KCNQ1: variants seen among roughly 807,000 people sequenced by gnomAD.
KCNQ1 encodes potassium voltage-gated channel subfamily KQT member 1.
In KCNQ1, 49 loss-of-function variants were observed where a neutral mutation model predicts 72.4. The ratio of observed to expected loss-of-function variants is 0.68; its 90% CI spans 0.54 to 0.86. The LOEUF is 0.86. KCNQ1 is among the 40% of genes least tolerant of loss of function. KCNQ1 has a pLI of 0.00. For missense variants in KCNQ1, 790 were observed against 945.1 expected (o/e 0.84, Z 2.15); for synonymous variants, 450 against 412.6 (o/e 1.09, Z -1.10).
At position 2,848,859 on chromosome 11, in the gene KCNQ1, G is replaced by A; in HGVS notation, c.*856G>A. 1 of 454,166 alleles carries A rather than the reference G, an allele frequency of 2.2e-6. No homozygotes were observed. Among genetic ancestry groups the A allele is most frequent in the Non-Finnish European group, 4.4e-6 (1 of 226,804 alleles). The allele number at this position is 454,166 out of a possible 1,614,324, so 28.1% of individuals were successfully genotyped here. A position where few individuals can be genotyped will look rare whatever the true frequency, so the allele number is the denominator to read the frequency against. The stretch of plus-strand genomic sequence containing the variant: ...AGTGACGGTTCCTACACAGGACAGG[G>A]GTTCCTTCTGGGCATTACATCGCAT... On this transcript the variant is annotated 3_prime_UTR_variant, in exon 16 of 16. Transcript: ENST00000155840.
At chr11:2,741,448 C>T (rs920572109) in intron 11 of KCNQ1, among the ~76,000 whole-genome samples, 14 of 152,280 alleles carry the variant, frequency 9.2e-5, no homozygotes, top group Middle Eastern at 3.4e-3. Flanking sequence ...CACACGTGTA[C>T]GCACAAACGC....
At chr11:2,733,570 G>A (rs1188355480) in intron 11 of KCNQ1, among the ~76,000 whole-genome samples, 4 of 151,998 alleles carry the variant, frequency 2.6e-5, no homozygotes, top group African/African-American at 7.2e-5. Context: ...GGGGACCCCC[G>A]AGGTTGCTGC....
At chr11:2,696,219 T>C in intron 11 of KCNQ1, 1 of 398,690 alleles carries the variant, frequency 2.5e-6, no homozygotes, top group Non-Finnish European at 4.4e-6. Flanking sequence ...TCATTTTTTC[T>C]CCTATTAAAC....
At position 2,516,425 on chromosome 11, in the gene KCNQ1, G is replaced by A. The variant is rs772408850; in HGVS notation, c.387-11503G>A. ...AGCCTGTTTTTAAAGGGGATGTGGC[G>A]GCCAGCTCTGGGGGCACACGTTCCT... On this transcript the variant is annotated intron_variant, in intron 1 of 15. Transcript: ENST00000155840. The surrounding 1 kb of genome is among the most constrained non-coding windows in gnomAD (Gnocchi z 7.0). Among the ~76,000 whole-genome samples the A allele has an allele frequency of 1.1e-4, 17 of 152,200 alleles. No individual in the cohort carries two copies. Among genetic ancestry groups the A allele is most frequent in the Non-Finnish European group, 2.1e-4 (14 of 68,012 alleles).
intron 2 of KCNQ1, among the ~76,000 whole-genome samples, chr11:2,560,509 A>C (rs1589950936): frequency 3.5e-5 from 1 of 28,530 alleles, no homozygotes; most frequent in Non-Finnish European, 6.0e-5. Context: ...TCCTTGGGGG[A>C]CGGGGGAAGG....
rs934201018 is a variant in KCNQ1 at position 2,690,381 on chromosome 11, G to C, written c.1514+28300G>C. 2 of 398,592 alleles carry C rather than the reference G, an allele frequency of 5.0e-6. No individual in the cohort carries two copies. Among genetic ancestry groups the C allele is most frequent in the Non-Finnish European group, 8.8e-6 (2 of 226,134 alleles). The allele number at this position is 398,592 out of a possible 1,614,324, so 24.7% of individuals were successfully genotyped here. On this transcript the variant is annotated intron_variant, in intron 11 of 15. Transcript: ENST00000155840. The surrounding 1 kb of genome is among the most constrained non-coding windows in gnomAD (Gnocchi z 5.1). ...TTCCACTACTTGGCATGGAACATGT[G>C]CCAGACCAAAAGAGCTATCTCTCTC...
chr11:2,609,386 C>A (rs887338799), intron 10 of KCNQ1: 6 of 398,398 alleles, frequency 1.5e-5, no homozygotes, highest in African/African-American at 8.2e-5. Flanking sequence ...GAAAAAGATA[C>A]CTTGTATTAT....
rs1849234048 is a variant in KCNQ1 at position 2,624,657 on chromosome 11, G to A, written c.1393+35803G>A. 5.0e-6 allele frequency: 2 copies of A among 398,466 alleles called. No individual in the cohort carries two copies. Among genetic ancestry groups the A allele is most frequent in the Non-Finnish European group, 8.8e-6 (2 of 226,006 alleles). 24.7% of individuals were successfully genotyped at this position (398,466 alleles called of 1,614,324 possible). ...ATGTATTAGATACGTTCACAATGCT[G>A]TGCAATCATCACTATCATCCATCTC... On this transcript the variant is annotated intron_variant, in intron 10 of 15. Coordinates refer to ENST00000155840, the MANE Select transcript of KCNQ1 (RefSeq NM_000218.3). The surrounding 1 kb of genome is among the most constrained non-coding windows in gnomAD (Gnocchi z 4.9).
intron 10 of KCNQ1, chr11:2,650,429 C>T (rs975752832): frequency 7.5e-5 from 30 of 398,402 alleles, no homozygotes; most frequent in Admixed American, 2.2e-4. Flanking sequence ...CCTGTACACG[C>T]GTCTGTAGTA....
In KCNQ1 at chr11:2,664,063, G is replaced by A. The variant is rs1258653558; in HGVS notation, c.1514+1982G>A. 1 of 398,690 alleles carries A rather than the reference G, an allele frequency of 2.5e-6. No homozygotes were observed. The highest frequency in any genetic ancestry group is 2.1e-5 in the African/African-American group (1 of 48,656). The allele number at this position is 398,690 out of a possible 1,614,324, so 24.7% of individuals were successfully genotyped here. A position where few individuals can be genotyped will look rare whatever the true frequency, so the allele number is the denominator to read the frequency against. On this transcript the variant is annotated intron_variant, in intron 11 of 15. Transcript: ENST00000155840. The surrounding 1 kb of genome is among the most constrained non-coding windows in gnomAD (Gnocchi z 5.1). Reference sequence around the variant, plus strand: ...CAGGTTGGCACTCCCATGGCCTCCAGTGATAAGTGGGCCCAGGCAGGTCAG... The same window carrying A: ...CAGGTTGGCACTCCCATGGCCTCCAATGATAAGTGGGCCCAGGCAGGTCAG...
At chr11:2,470,710 G>GT (rs34463833) in intron 1 of KCNQ1, among the ~76,000 whole-genome samples, 1 of 148,282 alleles carries the variant, frequency 6.7e-6, no homozygotes, top group Non-Finnish European at 1.5e-5. Context: ...TAGGTGGGGG[G>GT]GGGGGTGCTT....
In KCNQ1 at chr11:2,451,609, G is replaced by A. The variant is rs1589887580; in HGVS notation, c.386+6125G>A. Among the ~76,000 whole-genome samples, 1 of 152,108 alleles carries A rather than the reference G, an allele frequency of 6.6e-6. No individual in the cohort carries two copies. Among genetic ancestry groups the A allele is most frequent in the Non-Finnish European group, 1.5e-5 (1 of 68,012 alleles). The stretch of plus-strand genomic sequence containing the variant: ...GGGTCGTGGCTCCCTCATCGGCACC[G>A]GACTCTCAGGATGAGCCGCCTGGAG... On this transcript the variant is annotated intron_variant, in intron 1 of 15. Transcript: ENST00000155840. The surrounding 1 kb of genome is among the most constrained non-coding windows in gnomAD (Gnocchi z 6.4).
In KCNQ1 at chr11:2,772,061, C is replaced by G. The variant is rs1201932409; in HGVS notation, c.1590+3142C>G. 1.3e-5 allele frequency among the ~76,000 whole-genome samples: 2 copies of G among 152,212 alleles called. No homozygotes were observed. The highest frequency in any genetic ancestry group is 1.3e-4 in the Admixed American group (2 of 15,290). On this transcript the variant is annotated intron_variant, in intron 12 of 15. Transcript: ENST00000155840. The surrounding 1 kb of genome is among the most constrained non-coding windows in gnomAD (Gnocchi z 6.6). Reference sequence around the variant, plus strand: ...CTGCACAAAGCCGCTGGGGCTCCCTCCGACCTCACCAGCTGGCTCTTATTG... The same window carrying G: ...CTGCACAAAGCCGCTGGGGCTCCCTGCGACCTCACCAGCTGGCTCTTATTG...
intron 11 of KCNQ1, among the ~76,000 whole-genome samples, chr11:2,731,087 G>T (rs1157212486): frequency 6.6e-6 from 1 of 152,224 alleles, no homozygotes; most frequent in Non-Finnish European, 1.5e-5. Flanking sequence ...GGTCCTCAGG[G>T]ACCTGGGGGA....
At chr11:2,672,810 G>A in intron 11 of KCNQ1, 1 of 398,836 alleles carries the variant, frequency 2.5e-6, no homozygotes, top group East Asian at 3.6e-5. Flanking sequence ...CAGAAGGGCT[G>A]GACCAAGTGA....
rs538690738 is a variant in KCNQ1, at chr11:2,689,685, G to C, written c.1514+27604G>C. Reference sequence around the variant, plus strand: ...TGAGAGGGCCAGGGCAGAGTGAGTAGCTGCAGGGGCAGCTGTCCTTTGCAC... The same window carrying C: ...TGAGAGGGCCAGGGCAGAGTGAGTACCTGCAGGGGCAGCTGTCCTTTGCAC... On this transcript the variant is annotated intron_variant, in intron 11 of 15. Coordinates refer to ENST00000155840, the MANE Select transcript of KCNQ1 (RefSeq NM_000218.3). The C allele has an allele frequency of 7.2e-4, 288 of 398,666 alleles. No individual in the cohort carries two copies. The highest frequency in any genetic ancestry group is 2.4e-3 in the South Asian group (19 of 7,858). 24.7% of individuals were successfully genotyped at this position (398,666 alleles called of 1,614,324 possible). A position where few individuals can be genotyped will look rare whatever the true frequency, so the allele number is the denominator to read the frequency against.
chr11:2,569,369 G>A (rs1263790090), intron 2 of KCNQ1, among the ~76,000 whole-genome samples: 1 of 152,248 alleles, frequency 6.6e-6, no homozygotes, highest in African/African-American at 2.4e-5. Flanking sequence ...GATGGTGTAA[G>A]TATCATTCCA....
intron 10 of KCNQ1, chr11:2,649,910 T>G: frequency 2.5e-6 from 1 of 398,546 alleles, no homozygotes; most frequent in Non-Finnish European, 4.4e-6. Flanking sequence ...ACACTTCTTC[T>G]GGAACTCCCA....
intron 11 of KCNQ1, among the ~76,000 whole-genome samples, chr11:2,747,417 G>A (rs146628510): frequency 0.014 from 2,194 of 152,300 alleles, 56 homozygotes; most frequent in African/African-American, 0.05. Flanking sequence ...GGCTCGTCCA[G>A]CCTTCTGCTC....
Sources: allele counts gnomAD v4.1 joint callset (sites outside exome capture counted in the v4.1 genomes callset), GRCh38; gene constraint gnomAD v4.1.1; non-coding constraint Gnocchi (gnomAD v3.1); transcripts MANE v1.5; gene names NCBI Gene and HGNC (gene_info 2026-07-23, HGNC 2026-07-21).